DIO2: variants seen among roughly 807,000 people sequenced by gnomAD.
DIO2 encodes the protein iodothyronine deiodinase 2.
DIO2 carries 19 observed loss-of-function variants against 21.4 expected under a neutral mutation model. That is an observed-to-expected ratio of 0.89 (90% CI 0.62 to 1.30). DIO2 has a LOEUF of 1.30. Among genes scored for constraint, DIO2 ranks in the 50% most tolerant of loss-of-function variants. DIO2 has a pLI of 0.00. For synonymous variants in DIO2, 122 were observed against 132.9 expected (o/e 0.92, Z 0.57); for missense variants, 302 against 338.1 (o/e 0.89, Z 0.84).
chr14:80,205,874 G>A, intron 1 of DIO2: 1 of 433,240 alleles, frequency 2.3e-6, no homozygotes. Flanking sequence ...TTCTAGGTCA[G>A]TGAAGAATTT....
In DIO2 at chr14:80,211,231, C is replaced by T; in HGVS notation, c.222+20G>A. 1 of 1,600,016 alleles carries T rather than the reference C, an allele frequency of 6.2e-7. No homozygotes were observed. Among genetic ancestry groups the T allele is most frequent in the Non-Finnish European group, 8.5e-7 (1 of 1,175,286 alleles). ...CTGCCCCTGTAGACCTAGGGAGAAG[C>T]CCTTCTCAGCTCAGCTCACCTGTTT... On this transcript the variant is annotated intron_variant, in intron 1 of 1. Transcript: ENST00000438257.
intron 1 of DIO2, among the ~76,000 whole-genome samples, chr14:80,207,771 T>C (rs1166812160): frequency 6.6e-6 from 1 of 152,218 alleles, no homozygotes; most frequent in Non-Finnish European, 1.5e-5. Flanking sequence ...ATTCTCTTTT[T>C]AATTTGTACC....
Position 80,197,667 on chromosome 14 carries a change from T to C in DIO2, c.*5022A>G, listed in dbSNP as rs542651371. ...TCATTTTCTGCAACTGAGAAGCACA[T>C]ATGTGTAGCATATGCACGCGTGCAT... is the stretch of plus-strand genomic sequence containing the variant. On this transcript the variant is annotated 3_prime_UTR_variant, in exon 2 of 2. Coordinates refer to ENST00000438257, the MANE Select transcript of DIO2 (RefSeq NM_013989.5). 6.5e-6 allele frequency: 1 copy of C among 152,762 alleles called. No homozygotes were observed. The highest frequency in any genetic ancestry group is 6.5e-5 in the Admixed American group (1 of 15,300). The allele number at this position is 152,762 out of a possible 1,614,324, so 9.5% of individuals were successfully genotyped here. A position where few individuals can be genotyped will look rare whatever the true frequency, so the allele number is the denominator to read the frequency against.
chr14:80,219,272 AT>A (rs1158791561), intron 2 of DIO2: 1 of 152,230 alleles, frequency 6.6e-6, no homozygotes, highest in African/African-American at 2.4e-5. Context: ...AATAAATAGC[AT>A]TTGATTGCCT....
chr14:80,217,869 C>G (rs1888388607), intron 2 of DIO2, among the ~76,000 whole-genome samples: 1 of 152,206 alleles, frequency 6.6e-6, no homozygotes, highest in South Asian at 2.1e-4. Flanking sequence ...AATACCAACT[C>G]ACTCAGCAGT....
At chr14:80,207,207 T>G (rs1376207886) in intron 1 of DIO2, among the ~76,000 whole-genome samples, 1 of 152,164 alleles carries the variant, frequency 6.6e-6, no homozygotes, top group Admixed American at 6.5e-5. Context: ...AATGGAAATC[T>G]TTATAAATAT....
chr14:80,211,686 C>T, upstream of DIO2: 1 of 491,150 alleles, frequency 2.0e-6, no homozygotes, highest in South Asian at 3.2e-5. Flanking sequence ...TCTCTCCAGC[C>T]CAGCAGTTGG....
Position 80,208,684 on chromosome 14 carries a change from A to G in DIO2, c.222+2567T>C, listed in dbSNP as rs140291641. 4.5e-3 allele frequency among the ~76,000 whole-genome samples: 683 copies of G among 152,334 alleles called. 8 individuals are homozygous for G. The highest frequency in any genetic ancestry group is 0.015 in the African/African-American group (604 of 41,572). ...AGAACCTCTTACAACGTCTCTGGAA[A>G]TGACTACACCCAAAGACAGTGGCAC... On this transcript the variant is annotated intron_variant, in intron 1 of 1. Transcript: ENST00000438257.
chr14:80,205,668 G>T, intron 1 of DIO2: 1 of 1,332,716 alleles, frequency 7.5e-7, no homozygotes, highest in Non-Finnish European at 9.9e-7. Context: ...TAGTTCAGCT[G>T]CAGAATTCTT....
Position 80,202,266 on chromosome 14 carries a change from G to T in DIO2, c.*423C>A, listed in dbSNP as rs1309596009. On this transcript the variant is annotated 3_prime_UTR_variant, in exon 2 of 2. Coordinates refer to ENST00000438257, the MANE Select transcript of DIO2 (RefSeq NM_013989.5). ...TAATATTTGGGAATTTTCCAACTGG[G>T]CTCCATCCATGCCAAATAGAGCCAA... 1 of 516,712 alleles carries T rather than the reference G, an allele frequency of 1.9e-6. No individual in the cohort carries two copies. Among genetic ancestry groups the T allele is most frequent in the Admixed American group, 2.0e-5 (1 of 50,804 alleles). 32.0% of individuals were successfully genotyped at this position (516,712 alleles called of 1,614,324 possible). A position where few individuals can be genotyped will look rare whatever the true frequency, so the allele number is the denominator to read the frequency against.
intron 1 of DIO2, among the ~76,000 whole-genome samples, chr14:80,210,910 G>T (rs1233676549): frequency 6.6e-6 from 1 of 152,186 alleles, no homozygotes; most frequent in Non-Finnish European, 1.5e-5. Context: ...GGCAAGAGCA[G>T]AATAAATGCA....
chr14:80,204,387 GA>G (rs1342749439), intron 1 of DIO2, among the ~76,000 whole-genome samples: 2 of 152,142 alleles, frequency 1.3e-5, no homozygotes, highest in Non-Finnish European at 2.9e-5. Flanking sequence ...TATTGGGGCA[GA>G]AGAAGTAGAG....
Position 80,202,534 on chromosome 14 carries a change from G to A in DIO2, c.*155C>T. 1.3e-6 allele frequency: 1 copy of A among 796,982 alleles called. No individual in the cohort carries two copies. Among genetic ancestry groups the A allele is most frequent in the Middle Eastern group, 2.3e-4 (1 of 4,292 alleles). 49.4% of individuals were successfully genotyped at this position (796,982 alleles called of 1,614,324 possible). ...GCCCAATGCCATTTGAGTAGTGAAAGAAGTATGGAGCTGTTAGAGATTCAT... is the reference window on the plus strand; with the variant it reads ...GCCCAATGCCATTTGAGTAGTGAAAAAAGTATGGAGCTGTTAGAGATTCAT... On this transcript the variant is annotated 3_prime_UTR_variant, in exon 2 of 2. Transcript: ENST00000438257.
intron 2 of DIO2, among the ~76,000 whole-genome samples, chr14:80,223,035 T>C: frequency 6.6e-6 from 1 of 152,110 alleles, no homozygotes. Flanking sequence ...CAAATTATTT[T>C]ATTTTTTGTA....
At chr14:80,207,202 A>T (rs368275071) in intron 1 of DIO2, among the ~76,000 whole-genome samples, 1 of 152,316 alleles carries the variant, frequency 6.6e-6, no homozygotes, top group Admixed American at 6.5e-5. Context: ...GTTGGAATGG[A>T]AATCTTTATA....
At chr14:80,204,072 G>C (rs1489102882) in intron 1 of DIO2, among the ~76,000 whole-genome samples, 1 of 152,014 alleles carries the variant, frequency 6.6e-6, no homozygotes, top group Non-Finnish European at 1.5e-5. Flanking sequence ...GGGCAATTCT[G>C]TGTTTGTTTT....
At chr14:80,206,261 T>C (rs1887952835) in intron 1 of DIO2, 3 of 1,579,252 alleles carry the variant, frequency 1.9e-6, no homozygotes, top group Non-Finnish European at 2.6e-6. Context: ...AGTAGACCAG[T>C]AGTCTGCTTT....
intron 2 of DIO2, among the ~76,000 whole-genome samples, chr14:80,230,125 G>T: frequency 6.6e-6 from 1 of 152,144 alleles, no homozygotes; most frequent in East Asian, 1.9e-4. Flanking sequence ...GGCAGCATGG[G>T]TCGAGGCGGG....
intron 1 of DIO2, among the ~76,000 whole-genome samples, chr14:80,210,703 T>G (rs1888144316): frequency 6.6e-6 from 1 of 152,170 alleles, no homozygotes; most frequent in Admixed American, 6.5e-5. Flanking sequence ...TTGCTTTCAT[T>G]AACTCTTACC....
Sources: allele counts gnomAD v4.1 joint callset (sites outside exome capture counted in the v4.1 genomes callset), GRCh38; gene constraint gnomAD v4.1.1; transcripts MANE v1.5; gene names NCBI Gene and HGNC (gene_info 2026-07-23, HGNC 2026-07-21).